Variants in KCNG2 observed in about 807,000 individuals in gnomAD.
The protein encoded by KCNG2 is voltage-gated potassium channel regulatory subunit KCNG2.
A neutral mutation model predicts 12.3 loss-of-function variants in KCNG2; 7 were observed. That is an observed-to-expected ratio of 0.57 (90% CI 0.32 to 1.07). KCNG2 has a LOEUF of 1.07. KCNG2 is among the 50% of genes least tolerant of loss of function. KCNG2 has a pLI of 0.04. For synonymous variants in KCNG2, 414 were observed against 351.4 expected, an observed-to-expected ratio of 1.18 and a Z score of -1.99; for missense variants, 703 against 726.0, an observed-to-expected ratio of 0.97 and a Z score of 0.36.
chr18:79,884,766 G>T lies in KCNG2; in HGVS notation c.625-14274G>T, dbSNP rs550195727. Among the ~76,000 whole-genome samples, 1 of 152,196 alleles carries T rather than the reference G, an allele frequency of 6.6e-6. No individual in the cohort carries two copies. The highest frequency in any genetic ancestry group is 1.5e-5 in the Non-Finnish European group (1 of 68,026). On this transcript the variant is annotated intron_variant, in intron 3 of 3. Coordinates refer to ENST00000316249, the MANE Select transcript of KCNG2 (RefSeq NM_012283.2). This position sits in a 1 kb window ranked among gnomAD's most constrained non-coding sequence, Gnocchi z 5.5. Reference sequence around the variant, plus strand: ...CCGCCCGGCTCTGTGTTCCTCGGGGGGGCTCATCCTGGGGCCCAGGAACTC... The same window carrying T: ...CCGCCCGGCTCTGTGTTCCTCGGGGTGGCTCATCCTGGGGCCCAGGAACTC...
chr18:79,799,005 G>C (rs978762729), intron 1 of KCNG2, among the ~76,000 whole-genome samples: 4 of 152,352 alleles, frequency 2.6e-5, no homozygotes, highest in African/African-American at 9.6e-5. Context: ...CCTCCAAAGG[G>C]TCTGGGAGCA....
At chr18:79,866,502 G>GTGTGCTGA (rs1979560904) in intron 3 of KCNG2, among the ~76,000 whole-genome samples, 4 of 126,418 alleles carry the variant, frequency 3.2e-5, no homozygotes, top group Admixed American at 1.5e-4. Flanking sequence ...TGAGAGGTCT[G>GTGTGCTGA]GGTGCTGAGG....
chr18:79,865,169 G>C (rs974215562), intron 3 of KCNG2, among the ~76,000 whole-genome samples: 1 of 149,182 alleles, frequency 6.7e-6, no homozygotes, highest in Non-Finnish European at 1.5e-5. Context: ...TGAGAGGTCT[G>C]GCTGCTGAGA....
In KCNG2 at chr18:79,899,297, C is replaced by G; in HGVS notation, c.882C>G (p.Arg294=). 1 of 1,564,106 alleles carries G rather than the reference C, an allele frequency of 6.4e-7. No homozygotes were observed. The highest frequency in any genetic ancestry group is 2.3e-5 in the East Asian group (1 of 43,238). Reference sequence around the variant, plus strand: ...TGCTGCGGCTGCTGCGTGCGCTGCGCGTGCTCTACGTGATGCGCCTGGCGC... The same window carrying G: ...TGCTGCGGCTGCTGCGTGCGCTGCGGGTGCTCTACGTGATGCGCCTGGCGC... ...GLVLRLLRAL[R]VLYVMRLARH... The change falls in exon 4 of 4, where the codon CGC becomes CGG. Residue 294 remains arginine (R), a synonymous_variant. Transcript: ENST00000316249.
At chr18:79,843,185 A>G (rs1296543975) in intron 1 of KCNG2, among the ~76,000 whole-genome samples, 1 of 152,198 alleles carries the variant, frequency 6.6e-6, no homozygotes, top group African/African-American at 2.4e-5. Context: ...GCAGGCCAGG[A>G]GAGAGTGGGA....
intron 1 of KCNG2, among the ~76,000 whole-genome samples, chr18:79,834,313 C>T (rs1190010387): frequency 6.6e-6 from 1 of 152,180 alleles, no homozygotes; most frequent in East Asian, 1.9e-4. Flanking sequence ...TCATGTTTTA[C>T]AATAGGTTGC....
chr18:79,816,233 C>T (rs2087526737), intron 1 of KCNG2: 1 of 152,300 alleles, frequency 6.6e-6, no homozygotes, highest in Non-Finnish European at 1.5e-5. Context: ...TCCTTGCTGA[C>T]AGGGTATTTG....
At chr18:79,895,612 C>T (rs182676255) in intron 3 of KCNG2, among the ~76,000 whole-genome samples, 29 of 151,996 alleles carry the variant, frequency 1.9e-4, no homozygotes, top group Admixed American at 1.7e-3. Context: ...TCATTCTTAA[C>T]GATTGATATA....
At chr18:79,892,129 A>AAAAC (rs1568273437) in intron 3 of KCNG2, among the ~76,000 whole-genome samples, 1 of 150,894 alleles carries the variant, frequency 6.6e-6, no homozygotes, top group Non-Finnish European at 1.5e-5. Flanking sequence ...AAAAAAAAAA[A>AAAAC]AACAACACAG....
At chr18:79,863,529 C>G in intron 2 of KCNG2, 99 bp from the exon 3 acceptor site, 2 of 989,044 alleles carry the variant, frequency 2.0e-6, no homozygotes, top group Non-Finnish European at 2.5e-6. Flanking sequence ...GAGCTCACCT[C>G]CGAGGGTTCG....
chr18:79,830,027 C>T (rs146246619), intron 1 of KCNG2, among the ~76,000 whole-genome samples: 98 of 152,300 alleles, frequency 6.4e-4, no homozygotes, highest in African/African-American at 2.3e-3. Flanking sequence ...CAAACCATCA[C>T]GCTATGATTA....
At chr18:79,857,159 G>A (rs933114312) in intron 2 of KCNG2, among the ~76,000 whole-genome samples, 2 of 39,914 alleles carry the variant, frequency 5.0e-5, no homozygotes, top group African/African-American at 1.0e-4. Context: ...TCCTTGGCAT[G>A]GGGTGTCTGG....
At position 79,835,073 on chromosome 18, in the gene KCNG2, G is replaced by A. The variant is rs1348845608; in HGVS notation, c.-114-21306G>A. ...ACGTGTCTGTAGAGAGATGTGGGGA[G>A]TAGGAACCCCCATCCCGACCCACTG... On this transcript the variant is annotated intron_variant, in intron 1 of 3. Transcript: ENST00000316249. Among the ~76,000 whole-genome samples, 3 of 152,206 alleles carry A rather than the reference G, an allele frequency of 2.0e-5. 1 individual carries two copies. The highest frequency in any genetic ancestry group is 2.0e-4 in the Admixed American group (3 of 15,290).
chr18:79,874,759 C>T (rs552202713), intron 3 of KCNG2, among the ~76,000 whole-genome samples: 13 of 152,328 alleles, frequency 8.5e-5, no homozygotes, highest in African/African-American at 2.9e-4. Context: ...GGAGGCCGGC[C>T]CAGGTGCGGT....
In KCNG2 at chr18:79,864,021, C is replaced by T; in HGVS notation, c.354C>T (p.Cys118=). The change falls in exon 3 of 4, where the codon TGC becomes TGT. Residue 118 remains cysteine (C), a synonymous_variant. Coordinates refer to ENST00000316249, the MANE Select transcript of KCNG2 (RefSeq NM_012283.2). ...WGIDEARLER[C]CLRRLRRREE... ...TCGACGAGGCGCGCCTGGAGCGCTG[C>T]TGCCTGCGCCGCCTGCGCCGCCGCG... 8.6e-7 allele frequency: 1 copy of T among 1,160,752 alleles called. No homozygotes were observed. The highest frequency in any genetic ancestry group is 1.1e-6 in the Non-Finnish European group (1 of 942,090). The allele number at this position is 1,160,752 out of a possible 1,614,324, so 71.9% of individuals were successfully genotyped here.
At chr18:79,813,606 C>A (rs2087508155) in intron 1 of KCNG2, among the ~76,000 whole-genome samples, 1 of 152,274 alleles carries the variant, frequency 6.6e-6, no homozygotes, top group East Asian at 1.9e-4. Context: ...CACAAATCAA[C>A]TAAAAGCAGA....
At chr18:79,818,727 G>A (rs1185947598) in intron 1 of KCNG2, among the ~76,000 whole-genome samples, 3 of 152,194 alleles carry the variant, frequency 2.0e-5, no homozygotes, top group African/African-American at 2.4e-5. Context: ...TCGTACCTGC[G>A]AGAGACGTCC....
Position 79,900,094 on chromosome 18 carries a change from CGA to C in KCNG2, c.*283_*284del, listed in dbSNP as rs1443742640. The C allele has an allele frequency of 1.9e-5, 6 of 323,612 alleles. No homozygotes were observed. Among genetic ancestry groups the C allele is most frequent in the Non-Finnish European group, 3.4e-5 (6 of 178,484 alleles). 20.0% of individuals were successfully genotyped at this position (323,612 alleles called of 1,614,324 possible). On this transcript the variant is annotated 3_prime_UTR_variant, in exon 4 of 4. Coordinates refer to ENST00000316249, the MANE Select transcript of KCNG2 (RefSeq NM_012283.2). ...TAGCTAAAAATAAATTTAGTAAGTC[CGA>C]GAGATTCCACGCCTGCTGTGGATGA...
intron 1 of KCNG2, among the ~76,000 whole-genome samples, chr18:79,836,093 G>A (rs180972096): frequency 5.9e-5 from 9 of 152,272 alleles, no homozygotes; most frequent in Admixed American, 1.3e-4. Flanking sequence ...TGGCAGAGTG[G>A]GTTTAAAAGC....
Sources: gnomAD v4.1 joint callset for allele counts (sites outside exome capture counted in the v4.1 genomes callset) on GRCh38, gnomAD v4.1.1 for gene constraint, Gnocchi (gnomAD v3.1) non-coding constraint, MANE v1.5 for transcripts, NCBI Gene and HGNC (gene_info 2026-07-23, HGNC 2026-07-21) for gene names.